Variants in IGSF21 observed in about 807,000 individuals in gnomAD.
IGSF21 encodes the protein immunoglobulin superfamily member 21.
A neutral mutation model predicts 46.8 loss-of-function variants in IGSF21; 28 were observed. The ratio of observed to expected loss-of-function variants is 0.60; its 90% CI spans 0.44 to 0.82. The LOEUF is 0.82. IGSF21 is among the 40% of genes least tolerant of loss of function. The probability of loss-of-function intolerance (pLI) is 0.00; values close to 1 mark genes in which losing one functional copy is unlikely to be tolerated. For missense variants in IGSF21, 624 were observed against 665.5 expected (o/e 0.94, Z 0.69); for synonymous variants, 284 against 273.6 (o/e 1.04, Z -0.38).
rs746404333 is a variant in IGSF21 at position 18,108,217 on chromosome 1, G to A, written c.70+19G>A. The A allele has an allele frequency of 1.5e-6, 2 of 1,361,260 alleles. No individual in the cohort carries two copies. Among genetic ancestry groups the A allele is most frequent in the South Asian group, 3.5e-5 (2 of 57,186 alleles). The allele number at this position is 1,361,260 out of a possible 1,614,324, so 84.3% of individuals were successfully genotyped here. On this transcript the variant is annotated intron_variant, in intron 1 of 9. Coordinates refer to ENST00000251296, the MANE Select transcript of IGSF21 (RefSeq NM_032880.5). ...GCGCGCGGTGAGTGCGCGGGCGCCT[G>A]GCGGGAGCCGAGCGGTGAACGTGCG...
intron 2 of IGSF21, among the ~76,000 whole-genome samples, chr1:18,244,187 C>T (rs946388570): frequency 3.3e-5 from 5 of 152,226 alleles, no homozygotes; most frequent in Non-Finnish European, 5.9e-5. Flanking sequence ...CTTCTCTGTG[C>T]ACATAGACCA....
chr1:18,154,777 C>CTCCCTTTCCCTCTT (rs1553149760), intron 1 of IGSF21, among the ~76,000 whole-genome samples: 2 of 151,774 alleles, frequency 1.3e-5, no homozygotes, highest in Non-Finnish European at 2.9e-5. Context: ...CTCCTTTCCC[C>CTCCCTTTCCCTCTT]TCCCTTTCCC....
intron 3 of IGSF21, among the ~76,000 whole-genome samples, chr1:18,331,212 C>T (rs1211161248): frequency 6.6e-6 from 1 of 152,180 alleles, no homozygotes; most frequent in Non-Finnish European, 1.5e-5. Context: ...GCCCATCACC[C>T]GAGCAGTATG....
At chr1:18,139,295 C>T (rs919435995) in intron 1 of IGSF21, among the ~76,000 whole-genome samples, 1 of 152,160 alleles carries the variant, frequency 6.6e-6, no homozygotes, top group Admixed American at 6.5e-5. Flanking sequence ...AATGCGGTCG[C>T]TGAACCAGAG....
At chr1:18,338,497 CA>C (rs1405711053) in intron 4 of IGSF21, among the ~76,000 whole-genome samples, 1 of 152,092 alleles carries the variant, frequency 6.6e-6, no homozygotes, top group African/African-American at 2.4e-5. Context: ...GCTCCCAGGA[CA>C]GTGGGGAGAA....
chr1:18,375,338 A>C (rs1309195191), intron 6 of IGSF21, among the ~76,000 whole-genome samples: 3 of 152,066 alleles, frequency 2.0e-5, no homozygotes, highest in South Asian at 2.1e-4. Flanking sequence ...TGGGGGAAAG[A>C]GTGCTGGCGA....
intron 1 of IGSF21, among the ~76,000 whole-genome samples, chr1:18,134,165 T>C (rs898336312): frequency 1.3e-5 from 2 of 152,108 alleles, no homozygotes; most frequent in African/African-American, 4.8e-5. Flanking sequence ...AGTGAATAAA[T>C]GAATGAATAA....
chr1:18,332,857 T>G (rs2124604599), intron 3 of IGSF21, among the ~76,000 whole-genome samples: 1 of 152,234 alleles, frequency 6.6e-6, no homozygotes, highest in South Asian at 2.1e-4. Context: ...CTCAGCTCAC[T>G]AAGACGACAG....
chr1:18,253,254 A>T (rs1161829198), intron 2 of IGSF21, among the ~76,000 whole-genome samples: 4 of 152,128 alleles, frequency 2.6e-5, no homozygotes, highest in Non-Finnish European at 5.9e-5. Flanking sequence ...CCAGAGGGCC[A>T]GGGGGGGCCT....
intron 2 of IGSF21, among the ~76,000 whole-genome samples, chr1:18,269,864 C>T (rs985386020): frequency 6.6e-6 from 1 of 152,198 alleles, no homozygotes; most frequent in African/African-American, 2.4e-5. Context: ...TACTGTGTGA[C>T]CTTAGGCAAG....
intron 2 of IGSF21, among the ~76,000 whole-genome samples, chr1:18,262,100 T>C (rs887009804): frequency 4.6e-5 from 7 of 152,136 alleles, no homozygotes; most frequent in African/African-American, 1.7e-4. Flanking sequence ...ACTCAAGAAT[T>C]TGCATACAGC....
intron 1 of IGSF21, among the ~76,000 whole-genome samples, chr1:18,181,675 C>T (rs1484127378): frequency 6.6e-6 from 1 of 152,116 alleles, no homozygotes; most frequent in Non-Finnish European, 1.5e-5. Context: ...CAAGGATTTG[C>T]AGAAGATGGG....
rs1340836657 is a variant in IGSF21, at chr1:18,144,577, C to T, written c.70+36379C>T. 4.6e-5 allele frequency among the ~76,000 whole-genome samples: 7 copies of T among 152,236 alleles called. No homozygotes were observed. The South Asian group carries it at 1.2e-3, about 27-fold the overall frequency. ...AGCACCTAGGTCCAGTCCTCCAGTCCCCTGAAGATACCACTAGGTAGTACT... is the reference window on the plus strand; with the variant it reads ...AGCACCTAGGTCCAGTCCTCCAGTCTCCTGAAGATACCACTAGGTAGTACT... On this transcript the variant is annotated intron_variant, in intron 1 of 9. Transcript: ENST00000251296.
chr1:18,274,493 A>T (rs895408083), intron 2 of IGSF21, among the ~76,000 whole-genome samples: 1 of 152,280 alleles, frequency 6.6e-6, no homozygotes, highest in African/African-American at 2.4e-5. Context: ...CCATTGGCCA[A>T]ATCTGGCCAT....
At chr1:18,376,277 A>G in intron 6 of IGSF21, 33 bp from the exon 7 acceptor site, 1 of 1,436,500 alleles carries the variant, frequency 7.0e-7, no homozygotes, top group East Asian at 2.3e-5. Flanking sequence ...TCCTTTCCTT[A>G]CTCTCTCTGA....
chr1:18,144,953 C>T (rs762031044), intron 1 of IGSF21, among the ~76,000 whole-genome samples: 24 of 152,080 alleles, frequency 1.6e-4, no homozygotes, highest in Non-Finnish European at 2.5e-4. Context: ...GGGTGAGTCC[C>T]GGGTGCCTCA....
intron 1 of IGSF21, among the ~76,000 whole-genome samples, chr1:18,149,860 G>A (rs2086505809): frequency 6.6e-6 from 1 of 152,106 alleles, no homozygotes; most frequent in Non-Finnish European, 1.5e-5. Flanking sequence ...GGGAGCCTCT[G>A]GGATGATGTG....
intron 1 of IGSF21, among the ~76,000 whole-genome samples, chr1:18,170,828 A>T (rs1004867100): frequency 2.2e-4 from 34 of 152,084 alleles, no homozygotes; most frequent in African/African-American, 8.0e-4. Context: ...TTTGAGACTC[A>T]TGATCATTGT....
chr1:18,356,632 T>C (rs2086021411), intron 4 of IGSF21, among the ~76,000 whole-genome samples: 1 of 152,230 alleles, frequency 6.6e-6, no homozygotes. Context: ...TCCTGGGGCA[T>C]GGGATCTATC....
Sources: gnomAD v4.1 joint callset for allele counts (sites outside exome capture counted in the v4.1 genomes callset) on GRCh38, gnomAD v4.1.1 for gene constraint, MANE v1.5 for transcripts, NCBI Gene and HGNC (gene_info 2026-07-23, HGNC 2026-07-21) for gene names.